BGLAP: variants seen among roughly 807,000 people sequenced by gnomAD.
BGLAP encodes osteocalcin.
Under a neutral mutation model 13.7 loss-of-function variants are expected in BGLAP, and 15 were observed. That is an observed-to-expected ratio of 1.09 (90% confidence interval 0.73 to 1.68). BGLAP has a LOEUF of 1.68. BGLAP is among the 40% of genes most tolerant of loss of function. The probability of loss-of-function intolerance (pLI) is 0.00; values close to 1 mark genes in which losing one functional copy is unlikely to be tolerated. For synonymous variants in BGLAP, 67 were observed against 56.2 expected (o/e 1.19, Z -0.86); for missense variants, 120 against 134.3 (o/e 0.89, Z 0.53).
rs902607819 is a variant in BGLAP, at chr1:156,243,286, C to T, written c.*124C>T. On this transcript the variant is annotated 3_prime_UTR_variant, in exon 4 of 4. Coordinates refer to ENST00000368272, the MANE Select transcript of BGLAP (RefSeq NM_199173.6). The stretch of plus-strand genomic sequence containing the variant: ...TATGGATGTGGGGTCCCCATCATCC[C>T]AGCTGCTCCCAAATAAACTCCAGAA... The T allele has an allele frequency of 9.7e-5, 143 of 1,467,106 alleles. No homozygotes were observed. The highest frequency in any genetic ancestry group is 1.1e-4 in the Non-Finnish European group (116 of 1,088,072). The allele number at this position is 1,467,106 out of a possible 1,614,324, so 90.9% of individuals were successfully genotyped here.
chr1:156,243,269 T>A lies in BGLAP; in HGVS notation c.*107T>A, dbSNP rs375848902. The A allele has an allele frequency of 6.5e-6, 10 of 1,539,448 alleles. No individual in the cohort carries two copies. In the African/African-American group the frequency reaches 1.2e-4, roughly 19 times the overall value. On this transcript the variant is annotated 3_prime_UTR_variant, in exon 4 of 4. Transcript: ENST00000368272. Reference sequence around the variant, plus strand: ...CCCTGACCTCCCAGCCCTATGGATGTGGGGTCCCCATCATCCCAGCTGCTC... The same window carrying A: ...CCCTGACCTCCCAGCCCTATGGATGAGGGGTCCCCATCATCCCAGCTGCTC...
At position 156,242,823 on chromosome 1, in the gene BGLAP, A is replaced by G. The variant is rs554887811; in HGVS notation, c.165A>G (p.Gln55=). 7 of 1,596,908 alleles carry G rather than the reference A, an allele frequency of 4.4e-6. No individual in the cohort carries two copies. The highest frequency in any genetic ancestry group is 3.4e-5 in the South Asian group (3 of 88,914). ...AGAGACCCAGGCGCTACCTGTATCAATGGCTGGGGTGAGAGAAAAGGCAGA... is the reference window on the plus strand; with the variant it reads ...AGAGACCCAGGCGCTACCTGTATCAGTGGCTGGGGTGAGAGAAAAGGCAGA... ...VVKRPRRYLY[Q]WLGAPVPYPD... The change falls in exon 3 of 4, where the codon CAA becomes CAG. Residue 55 remains glutamine (Q), a synonymous_variant. Coordinates refer to ENST00000368272, the MANE Select transcript of BGLAP (RefSeq NM_199173.6).
chr1:156,242,671 C>T lies in BGLAP; in HGVS notation c.103+80C>T. ...CAGTCTCATTCCCCCACTCCTGCCA[C>T]CTCCTGTCTGGCCATCAGGAAGGCC... On this transcript the variant is annotated intron_variant, in intron 2 of 3. Transcript: ENST00000368272. The T allele has an allele frequency of 2.5e-6, 4 of 1,609,772 alleles. No individual in the cohort carries two copies. The Admixed American group carries it at 6.7e-5, about 27-fold the overall frequency.
Position 156,243,201 on chromosome 1 carries a change from G to A in BGLAP, c.*39G>A, listed in dbSNP as rs1558204166. On this transcript the variant is annotated 3_prime_UTR_variant, in exon 4 of 4. Transcript: ENST00000368272. ...TGGCCTGGCCGGCAACCCCAGTTCTGCTCCTCTCCAGGCACCCTTCTTTCC... is the reference window on the plus strand; with the variant it reads ...TGGCCTGGCCGGCAACCCCAGTTCTACTCCTCTCCAGGCACCCTTCTTTCC... 2 of 1,610,012 alleles carry A rather than the reference G, an allele frequency of 1.2e-6. No individual in the cohort carries two copies. The highest frequency in any genetic ancestry group is 2.2e-5 in the East Asian group (1 of 44,828).
chr1:156,242,593 T>A lies in BGLAP; in HGVS notation c.103+2T>A, dbSNP rs746415834. On this transcript the variant is annotated splice_donor_variant, in intron 2 of 3. Transcript: ENST00000368272. LOFTEE classifies it high-confidence loss of function. ...GTGCAGAGTCCAGCAAAGGTGCAGG[T>A]ATGAGGATGGACCTGATGGGTTCCT... The A allele has an allele frequency of 6.4e-7, 1 of 1,557,670 alleles. No homozygotes were observed. The highest frequency in any genetic ancestry group is 8.7e-7 in the Non-Finnish European group (1 of 1,150,248).
At chr1:156,242,689 G>T in intron 2 of BGLAP, 73 bp from the exon 3 acceptor site, 1 of 1,608,540 alleles carries the variant, frequency 6.2e-7, no homozygotes, top group East Asian at 2.2e-5. Context: ...CTGGCCATCA[G>T]GAAGGCCAGC....
chr1:156,242,762 C>T lies in BGLAP; in HGVS notation c.104C>T (p.Ala35Val). 6.3e-7 allele frequency: 1 copy of T among 1,595,176 alleles called. No homozygotes were observed. The highest frequency in any genetic ancestry group is 8.6e-7 in the Non-Finnish European group (1 of 1,169,402). ...PSGAESSKGA[A>V]FVSKQEGSEV... ...TGATGCCTGCCCCTCTGCTCCACAGCCTTTGTGTCCAAGCAGGAGGGCAGC... is the reference window on the plus strand; with the variant it reads ...TGATGCCTGCCCCTCTGCTCCACAGTCTTTGTGTCCAAGCAGGAGGGCAGC... Residue 35 changes from alanine (A) to valine (V), a missense_variant and splice_region_variant, in exon 3 of 4, where the codon GCC (alanine) becomes GTC (valine). By Grantham distance (64) the Ala-to-Val change is moderately conservative. Coordinates refer to ENST00000368272, the MANE Select transcript of BGLAP (RefSeq NM_199173.6).
In BGLAP at chr1:156,242,774, A is replaced by G; in HGVS notation, c.116A>G (p.Lys39Arg). Residue 39 changes from lysine (K) to arginine (R), a missense_variant, in exon 3 of 4, where the codon AAG (lysine) becomes AGG (arginine). Coordinates refer to ENST00000368272, the MANE Select transcript of BGLAP (RefSeq NM_199173.6). ...CTCTGCTCCACAGCCTTTGTGTCCA[A>G]GCAGGAGGGCAGCGAGGTAGTGAAG... Reference protein sequence around the residue: ...ESSKGAAFVSKQEGSEVVKRP... With the variant: ...ESSKGAAFVSRQEGSEVVKRP... 1.3e-6 allele frequency: 2 copies of G among 1,598,162 alleles called. No individual in the cohort carries two copies. The highest frequency in any genetic ancestry group is 1.7e-6 in the Non-Finnish European group (2 of 1,170,842).
At chr1:156,242,433 G>C (rs1558202145) in intron 1 of BGLAP, 120 bp from the exon 2 acceptor site, 1 of 1,544,730 alleles carries the variant, frequency 6.5e-7, no homozygotes, top group East Asian at 2.5e-5. Flanking sequence ...CAATCCATTT[G>C]CCCCAGCTCT....
At position 156,243,282 on chromosome 1, in the gene BGLAP, A is replaced by T. The variant is rs1032375436; in HGVS notation, c.*120A>T. ...GCCCTATGGATGTGGGGTCCCCATC[A>T]TCCCAGCTGCTCCCAAATAAACTCC... On this transcript the variant is annotated 3_prime_UTR_variant, in exon 4 of 4. Transcript: ENST00000368272. 1.1e-5 allele frequency: 16 copies of T among 1,490,494 alleles called. No individual in the cohort carries two copies. The highest frequency in any genetic ancestry group is 1.4e-5 in the Non-Finnish European group (16 of 1,107,110). 92.3% of individuals were successfully genotyped at this position (1,490,494 alleles called of 1,614,324 possible).
rs1223295781 is a variant in BGLAP at position 156,242,512 on chromosome 1, G to A, written c.65-41G>A. 6 of 1,551,746 alleles carry A rather than the reference G, an allele frequency of 3.9e-6. No individual in the cohort carries two copies. In the South Asian group the frequency reaches 4.8e-5, roughly 12 times the overall value. On this transcript the variant is annotated intron_variant, in intron 1 of 3. Coordinates refer to ENST00000368272, the MANE Select transcript of BGLAP (RefSeq NM_199173.6). Reference sequence around the variant, plus strand: ...GCAGGGGAAGGAGGATGAGGGCCCTGGGGATGAGCTGGGGTGAACCAGGCT... The same window carrying A: ...GCAGGGGAAGGAGGATGAGGGCCCTAGGGATGAGCTGGGGTGAACCAGGCT...
chr1:156,243,194 C>T lies in BGLAP; in HGVS notation c.*32C>T. The T allele has an allele frequency of 6.2e-7, 1 of 1,611,122 alleles. No homozygotes were observed. Among genetic ancestry groups the T allele is most frequent in the African/African-American group, 1.3e-5 (1 of 75,026 alleles). On this transcript the variant is annotated 3_prime_UTR_variant, in exon 4 of 4. Coordinates refer to ENST00000368272, the MANE Select transcript of BGLAP (RefSeq NM_199173.6). The stretch of plus-strand genomic sequence containing the variant: ...GCTCTGCTGGCCTGGCCGGCAACCC[C>T]AGTTCTGCTCCTCTCCAGGCACCCT...
rs765060172 is a variant in BGLAP at position 156,242,765 on chromosome 1, T to C, written c.107T>C (p.Phe36Ser). 2 of 1,595,600 alleles carry C rather than the reference T, an allele frequency of 1.3e-6. No homozygotes were observed. Among genetic ancestry groups the C allele is most frequent in the African/African-American group, 2.7e-5 (2 of 74,482 alleles). ...SGAESSKGAA[F>S]VSKQEGSEVV... Reference sequence around the variant, plus strand: ...TGCCTGCCCCTCTGCTCCACAGCCTTTGTGTCCAAGCAGGAGGGCAGCGAG... The same window carrying C: ...TGCCTGCCCCTCTGCTCCACAGCCTCTGTGTCCAAGCAGGAGGGCAGCGAG... Residue 36 changes from phenylalanine to serine, a missense_variant, in exon 3 of 4, where the codon TTT (phenylalanine) becomes TCT (serine). Transcript: ENST00000368272.
rs1378794137 is a variant in BGLAP at position 156,242,254 on chromosome 1, C to T, written c.23C>T (p.Ala8Val). 6.2e-7 allele frequency: 1 copy of T among 1,613,498 alleles called. No homozygotes were observed. Among genetic ancestry groups the T allele is most frequent in the Admixed American group, 1.7e-5 (1 of 59,974 alleles). The change falls in exon 1 of 4, where the codon GCC becomes GTC. Residue 8 changes from alanine to valine, a missense_variant. Coordinates refer to ENST00000368272, the MANE Select transcript of BGLAP (RefSeq NM_199173.6). ...ACCATGAGAGCCCTCACACTCCTCG[C>T]CCTATTGGCCCTGGCCGCACTTTGC... is the stretch of plus-strand genomic sequence containing the variant. MRALTLL[A>V]LLALAALCIA...
rs1425689727 is a variant in BGLAP, at chr1:156,242,849, G to A, written c.173+18G>A. 2 of 1,583,068 alleles carry A rather than the reference G, an allele frequency of 1.3e-6. No homozygotes were observed. Among genetic ancestry groups the A allele is most frequent in the African/African-American group, 2.7e-5 (2 of 74,158 alleles). ...TGGCTGGGGTGAGAGAAAAGGCAGAGCTGGGCCAAGGCCCTGCCTCTCCGG... is the reference window on the plus strand; with the variant it reads ...TGGCTGGGGTGAGAGAAAAGGCAGAACTGGGCCAAGGCCCTGCCTCTCCGG... On this transcript the variant is annotated intron_variant, in intron 3 of 3. Transcript: ENST00000368272.
In BGLAP at chr1:156,242,589, C is replaced by A. The variant is rs892219173; in HGVS notation, c.101C>A (p.Ala34Glu). Reference protein sequence around the residue: ...KPSGAESSKGAAFVSKQEGSE... With the variant: ...KPSGAESSKGEAFVSKQEGSE... ...AGCGGTGCAGAGTCCAGCAAAGGTG[C>A]AGGTATGAGGATGGACCTGATGGGT... The change falls in exon 2 of 4, where the codon GCA becomes GAA. Residue 34 changes from alanine to glutamate, a missense_variant and splice_region_variant. Transcript: ENST00000368272. 2.2e-5 allele frequency: 35 copies of A among 1,556,720 alleles called. No individual in the cohort carries two copies. Among genetic ancestry groups the A allele is most frequent in the Non-Finnish European group, 2.9e-5 (33 of 1,149,664 alleles).
In BGLAP at chr1:156,242,256, C is replaced by T; in HGVS notation, c.25C>T (p.Leu9=). The T allele has an allele frequency of 6.2e-7, 1 of 1,613,634 alleles. No homozygotes were observed. The highest frequency in any genetic ancestry group is 1.1e-5 in the South Asian group (1 of 91,048). ...CATGAGAGCCCTCACACTCCTCGCC[C>T]TATTGGCCCTGGCCGCACTTTGCAT... MRALTLLA[L]LALAALCIAG... The change falls in exon 1 of 4, where the codon CTA becomes TTA. Residue 9 remains leucine (L), a synonymous_variant. Coordinates refer to ENST00000368272, the MANE Select transcript of BGLAP (RefSeq NM_199173.6).
rs112498179 is a variant in BGLAP at position 156,243,272 on chromosome 1, G to T, written c.*110G>T. On this transcript the variant is annotated 3_prime_UTR_variant, in exon 4 of 4. Coordinates refer to ENST00000368272, the MANE Select transcript of BGLAP (RefSeq NM_199173.6). Reference sequence around the variant, plus strand: ...TGACCTCCCAGCCCTATGGATGTGGGGTCCCCATCATCCCAGCTGCTCCCA... The same window carrying T: ...TGACCTCCCAGCCCTATGGATGTGGTGTCCCCATCATCCCAGCTGCTCCCA... 1 of 1,536,354 alleles carries T rather than the reference G, an allele frequency of 6.5e-7. No homozygotes were observed. Among genetic ancestry groups the T allele is most frequent in the South Asian group, 1.2e-5 (1 of 84,212 alleles).
At position 156,243,072 on chromosome 1, in the gene BGLAP, G is replaced by T; in HGVS notation, c.213G>T (p.Arg71Ser). The change falls in exon 4 of 4, where the codon AGG becomes AGT. Residue 71 changes from arginine (R) to serine (S), a missense_variant. Arg to Ser is a moderately radical substitution (Grantham distance 110). Coordinates refer to ENST00000368272, the MANE Select transcript of BGLAP (RefSeq NM_199173.6). ...ACCCGGATCCCCTGGAGCCCAGGAG[G>T]GAGGTGTGTGAGCTCAATCCGGACT... is the stretch of plus-strand genomic sequence containing the variant. The part of the protein sequence containing the change: ...VPYPDPLEPR[R>S]EVCELNPDCD... 1 of 1,614,192 alleles carries T rather than the reference G, an allele frequency of 6.2e-7. No individual in the cohort carries two copies. The highest frequency in any genetic ancestry group is 1.1e-5 in the South Asian group (1 of 91,084).
Sources: allele counts gnomAD v4.1 joint callset, GRCh38; gene constraint gnomAD v4.1.1; transcripts MANE v1.5; gene names NCBI Gene and HGNC (gene_info 2026-07-23, HGNC 2026-07-21).